Variants in HS3ST5 observed in about 807,000 individuals in gnomAD.
HS3ST5 encodes the protein heparan sulfate-glucosamine 3-sulfotransferase 5, also known as heparan sulfate glucosamine 3-O-sulfotransferase 5.
Under a neutral mutation model 25.4 loss-of-function variants are expected in HS3ST5, and 10 were observed. The observed-to-expected ratio is 0.39, with a 90% CI of 0.24 to 0.67. The LOEUF is 0.67. HS3ST5 is among the 30% of genes least tolerant of loss of function. HS3ST5 has a pLI of 0.44. For synonymous variants in HS3ST5, 170 were observed against 162.4 expected, an observed-to-expected ratio of 1.05 and a Z score of -0.36; for missense variants, 324 against 420.7, an observed-to-expected ratio of 0.77 and a Z score of 2.01.
intron 1 of HS3ST5, among the ~76,000 whole-genome samples, chr6:114,316,615 C>T (rs1371037751): frequency 6.6e-6 from 1 of 151,976 alleles, no homozygotes; most frequent in Non-Finnish European, 1.5e-5. Context: ...TTAATAAAAG[C>T]AAAGGAAGAG....
rs561234413 is a variant in HS3ST5, at chr6:114,293,895, A to C, written c.-339+48300T>G. Among the ~76,000 whole-genome samples the C allele has an allele frequency of 4.6e-5, 7 of 152,328 alleles. 1 individual carries two copies. In the South Asian group the frequency reaches 1.0e-3, roughly 23 times the overall value. ...AGGGCTTGGTGCCCAGGAGACCATC[A>C]ATATCCCCATGGAGACACACTTCAG... On this transcript the variant is annotated intron_variant, in intron 1 of 4. Transcript: ENST00000312719.
At chr6:114,268,175 G>A (rs915012364) in intron 1 of HS3ST5, among the ~76,000 whole-genome samples, 1 of 152,136 alleles carries the variant, frequency 6.6e-6, no homozygotes, top group Non-Finnish European at 1.5e-5. Flanking sequence ...GTTCTTGGAT[G>A]GCTTTCATTG....
At chr6:114,318,072 T>C (rs1775815458) in intron 1 of HS3ST5, among the ~76,000 whole-genome samples, 1 of 152,168 alleles carries the variant, frequency 6.6e-6, no homozygotes, top group African/African-American at 2.4e-5. Flanking sequence ...TGTGAGCAGA[T>C]GCCACCCAAA....
intron 1 of HS3ST5, among the ~76,000 whole-genome samples, chr6:114,321,613 A>G (rs972927514): frequency 2.6e-5 from 4 of 152,206 alleles, no homozygotes; most frequent in African/African-American, 9.6e-5. Context: ...TACATGTAGC[A>G]CAACACAATA....
At chr6:114,084,152 C>T (rs1425618145) in intron 3 of HS3ST5, 3 of 717,932 alleles carry the variant, frequency 4.2e-6, no homozygotes, top group African/African-American at 3.5e-5. Context: ...TGCTTAAGAA[C>T]ACATGCAAGA....
chr6:114,267,351 C>T (rs183394940), intron 1 of HS3ST5, among the ~76,000 whole-genome samples: 1 of 152,198 alleles, frequency 6.6e-6, no homozygotes, highest in East Asian at 1.9e-4. Flanking sequence ...CTTGCCATGA[C>T]AAGAAGCACC....
intron 1 of HS3ST5, among the ~76,000 whole-genome samples, chr6:114,275,369 T>C (rs972903828): frequency 5.3e-5 from 8 of 152,060 alleles, no homozygotes; most frequent in African/African-American, 1.9e-4. Context: ...CCAAGCATTC[T>C]CTTTAGTGCT....
At chr6:114,143,923 C>T (rs1194242009) in intron 3 of HS3ST5, 1 of 152,442 alleles carries the variant, frequency 6.6e-6, no homozygotes, top group Non-Finnish European at 1.5e-5. Flanking sequence ...TTCCTTTATT[C>T]TGTGGACACT....
chr6:114,136,447 A>G (rs139185211), intron 3 of HS3ST5, among the ~76,000 whole-genome samples: 1 of 152,322 alleles, frequency 6.6e-6, no homozygotes, highest in African/African-American at 2.4e-5. Context: ...TGGAGCTGTG[A>G]GTCAATTAAA....
chr6:114,179,685 G>T (rs1779876085), intron 2 of HS3ST5, among the ~76,000 whole-genome samples: 2 of 145,278 alleles, frequency 1.4e-5, no homozygotes. Flanking sequence ...TTAGAGGAAT[G>T]GAACTAATAG....
intron 3 of HS3ST5, among the ~76,000 whole-genome samples, chr6:114,128,196 T>C (rs1211993032): frequency 6.6e-6 from 1 of 152,176 alleles, no homozygotes; most frequent in East Asian, 1.9e-4. Flanking sequence ...GTTTCTGTGA[T>C]CACATCTGAA....
chr6:114,342,242 G>A lies in HS3ST5; in HGVS notation c.-386C>T, dbSNP rs1283733034. On this transcript the variant is annotated 5_prime_UTR_variant, in exon 1 of 5. Coordinates refer to ENST00000312719, the MANE Select transcript of HS3ST5 (RefSeq NM_153612.4). ...GCGGGCGGGAGCCTCAGGGCGCGGG[G>A]GTCGGCGGCGGGTCGCGTGGGGGTC... 7.0e-6 allele frequency: 1 copy of A among 142,406 alleles called. No individual in the cohort carries two copies. The highest frequency in any genetic ancestry group is 1.5e-5 in the Non-Finnish European group (1 of 65,086). 8.8% of individuals were successfully genotyped at this position (142,406 alleles called of 1,614,324 possible).
intron 3 of HS3ST5, among the ~76,000 whole-genome samples, chr6:114,104,257 C>G (rs1381478469): frequency 2.0e-5 from 3 of 152,034 alleles, no homozygotes; most frequent in Non-Finnish European, 4.4e-5. Flanking sequence ...AGATATCCAG[C>G]AAGTAGACAT....
chr6:114,260,313 C>T (rs903612689), intron 1 of HS3ST5, among the ~76,000 whole-genome samples: 1 of 152,060 alleles, frequency 6.6e-6, no homozygotes, highest in Non-Finnish European at 1.5e-5. Context: ...ATTTTTAACA[C>T]ACATTTTCCT....
chr6:114,208,754 C>T (rs1172720438), intron 2 of HS3ST5, among the ~76,000 whole-genome samples: 1 of 152,160 alleles, frequency 6.6e-6, no homozygotes, highest in African/African-American at 2.4e-5. Flanking sequence ...TTTGATGTCT[C>T]TAAGCTTTAG....
intron 1 of HS3ST5, among the ~76,000 whole-genome samples, chr6:114,279,060 G>C (rs1022995776): frequency 6.6e-6 from 1 of 151,952 alleles, no homozygotes; most frequent in Non-Finnish European, 1.5e-5. Context: ...GCAACAAGTA[G>C]TCAATTTCTT....
chr6:114,264,161 A>G (rs1773301593), intron 1 of HS3ST5, among the ~76,000 whole-genome samples: 1 of 152,234 alleles, frequency 6.6e-6, no homozygotes, highest in African/African-American at 2.4e-5. Flanking sequence ...GAGCCACATT[A>G]CTATGTGTAT....
chr6:114,080,229 A>G (rs1309714244), intron 3 of HS3ST5, among the ~76,000 whole-genome samples: 3 of 152,222 alleles, frequency 2.0e-5, no homozygotes, highest in South Asian at 2.1e-4. Context: ...GTCACCCAAG[A>G]TTACTGTCAG....
At chr6:114,076,424 A>T (rs1774139299) in intron 3 of HS3ST5, among the ~76,000 whole-genome samples, 1 of 152,228 alleles carries the variant, frequency 6.6e-6, no homozygotes, top group Non-Finnish European at 1.5e-5. Flanking sequence ...TGCCTGAGGT[A>T]CATTTTAATT....
Sources: gnomAD v4.1 joint callset for allele counts (sites outside exome capture counted in the v4.1 genomes callset) on GRCh38, gnomAD v4.1.1 for gene constraint, MANE v1.5 for transcripts, NCBI Gene and HGNC (gene_info 2026-07-23, HGNC 2026-07-21) for gene names.